The following CSMD1 variants were observed in gnomAD, a reference collection of about 807,000 sequenced individuals.
The protein encoded by CSMD1 is CUB and sushi domain-containing protein 1.
CSMD1 carries 213 observed loss-of-function variants against 417.5 expected under a neutral mutation model. The ratio of observed to expected loss-of-function variants is 0.51; its 90% CI spans 0.46 to 0.57. The LOEUF is 0.57. CSMD1 is among the 20% of genes least tolerant of loss of function. The pLI is 0.00. For missense variants in CSMD1, 6,923 were observed against 4,529.7 expected, an observed-to-expected ratio of 1.53 and a Z score of -15.17; for synonymous variants, 2,862 against 1,736.8, an observed-to-expected ratio of 1.65 and a Z score of -16.11.
intron 21 of CSMD1, 121 bp downstream of exon 21, chr8:3,359,031 C>T: frequency 3.4e-6 from 3 of 876,196 alleles, no homozygotes; most frequent in Admixed American, 2.3e-5. Flanking sequence ...GTGGAGCCCA[C>T]ACTTTCACCC....
chr8:3,427,361 A>T (rs186549145), intron 12 of CSMD1, among the ~76,000 whole-genome samples: 9 of 152,292 alleles, frequency 5.9e-5, no homozygotes, highest in African/African-American at 2.2e-4. Flanking sequence ...TCAAGTCAAA[A>T]CTTCTCATAA....
Position 3,117,388 on chromosome 8 carries a change from CTG to C in CSMD1, c.6430+1009_6430+1010del, listed in dbSNP as rs551722081. On this transcript the variant is annotated intron_variant, in intron 42 of 69. Coordinates refer to ENST00000635120, the MANE Select transcript of CSMD1 (RefSeq NM_033225.6). ...CAGAATAGGTAAATACAGATAAAAA[CTG>C]TGATTTTAAAAGCCTACTGATATGC... is the stretch of plus-strand genomic sequence containing the variant. Among the ~76,000 whole-genome samples the C allele has an allele frequency of 2.0e-4, 31 of 152,246 alleles. 1 individual carries two copies. The South Asian group carries it at 6.4e-3, about 32-fold the overall frequency.
At chr8:3,581,314 G>A (rs765613322) in intron 9 of CSMD1, among the ~76,000 whole-genome samples, 2 of 152,156 alleles carry the variant, frequency 1.3e-5, no homozygotes, top group Non-Finnish European at 2.9e-5. Context: ...CATAATGGTT[G>A]TTTTCATATT....
intron 11 of CSMD1, among the ~76,000 whole-genome samples, chr8:3,489,503 A>G (rs1343119150): frequency 6.6e-6 from 1 of 152,200 alleles, no homozygotes; most frequent in Admixed American, 6.5e-5. Flanking sequence ...CAGTTCCTCC[A>G]CAAATCAAAT....
chr8:4,305,733 G>T (rs1384659411), intron 3 of CSMD1, among the ~76,000 whole-genome samples: 1 of 152,118 alleles, frequency 6.6e-6, no homozygotes, highest in African/African-American at 2.4e-5. Context: ...ATGTACAGAT[G>T]CCACACCAGC....
intron 7 of CSMD1, among the ~76,000 whole-genome samples, chr8:3,673,183 T>A (rs887044689): frequency 2.6e-5 from 4 of 152,220 alleles, no homozygotes; most frequent in African/African-American, 9.6e-5. Flanking sequence ...ACACAGAATC[T>A]GAAATTATTC....
chr8:3,341,748 G>A (rs1807670235), intron 23 of CSMD1, among the ~76,000 whole-genome samples: 1 of 152,146 alleles, frequency 6.6e-6, no homozygotes, highest in Non-Finnish European at 1.5e-5. Context: ...AGGTGTGCAT[G>A]GAACTTCCCC....
intron 1 of CSMD1, among the ~76,000 whole-genome samples, chr8:4,813,841 T>G (rs1235758396): frequency 6.6e-6 from 1 of 152,186 alleles, no homozygotes; most frequent in African/African-American, 2.4e-5. Context: ...AATTCCAGAG[T>G]GCATAGTAGC....
chr8:3,471,026 G>C (rs1345267984), intron 11 of CSMD1, among the ~76,000 whole-genome samples: 2 of 152,116 alleles, frequency 1.3e-5, no homozygotes, highest in Non-Finnish European at 2.9e-5. Context: ...TCATTTACCT[G>C]AGATAAAAGC....
At chr8:4,982,068 T>G (rs1328108901) in intron 1 of CSMD1, among the ~76,000 whole-genome samples, 2 of 152,110 alleles carry the variant, frequency 1.3e-5, no homozygotes, top group Non-Finnish European at 2.9e-5. Flanking sequence ...CCAACTATCT[T>G]AGAAGTGGAT....
intron 3 of CSMD1, among the ~76,000 whole-genome samples, chr8:4,043,892 C>G (rs532657932): frequency 6.6e-6 from 1 of 152,106 alleles, no homozygotes; most frequent in Non-Finnish European, 1.5e-5. Flanking sequence ...GTTAAGATAA[C>G]ACAGATAAAC....
At chr8:4,418,734 G>C (rs1797085791) in intron 3 of CSMD1, among the ~76,000 whole-genome samples, 1 of 152,072 alleles carries the variant, frequency 6.6e-6, no homozygotes, top group African/African-American at 2.4e-5. Flanking sequence ...AAAACTGAAA[G>C]CTAATAACAT....
At chr8:3,504,499 C>T (rs1796741444) in intron 10 of CSMD1, among the ~76,000 whole-genome samples, 1 of 152,276 alleles carries the variant, frequency 6.6e-6, no homozygotes, top group Admixed American at 6.5e-5. Context: ...TCATTATTAT[C>T]CTCATGGCAA....
At chr8:4,859,929 T>C (rs1802025338) in intron 1 of CSMD1, among the ~76,000 whole-genome samples, 2 of 152,144 alleles carry the variant, frequency 1.3e-5, no homozygotes, top group South Asian at 4.1e-4. Context: ...CAAAGGATTA[T>C]AAATCATGCT....
At chr8:4,738,557 T>A (rs948449047) in intron 1 of CSMD1, among the ~76,000 whole-genome samples, 1 of 152,094 alleles carries the variant, frequency 6.6e-6, no homozygotes, top group African/African-American at 2.4e-5. Context: ...GGAACTACAA[T>A]TCTAGATAAG....
At chr8:4,845,959 T>C (rs1167227628) in intron 1 of CSMD1, among the ~76,000 whole-genome samples, 2 of 152,202 alleles carry the variant, frequency 1.3e-5, no homozygotes, top group Admixed American at 6.5e-5. Context: ...TACAAAAGAA[T>C]AGAGAATCGG....
chr8:4,150,338 CG>C (rs1329801228), intron 3 of CSMD1, among the ~76,000 whole-genome samples: 14 of 152,148 alleles, frequency 9.2e-5, no homozygotes, highest in African/African-American at 3.4e-4. Flanking sequence ...TTCTCTAACC[CG>C]TGCCATTCTA....
chr8:4,461,532 A>T (rs1040282019), intron 2 of CSMD1, among the ~76,000 whole-genome samples: 1 of 146,808 alleles, frequency 6.8e-6, no homozygotes, highest in Non-Finnish European at 1.5e-5. Context: ...AATATGCAAA[A>T]ATCCATATTT....
intron 1 of CSMD1, among the ~76,000 whole-genome samples, chr8:4,963,449 C>T (rs935857562): frequency 6.6e-6 from 1 of 152,170 alleles, no homozygotes; most frequent in Non-Finnish European, 1.5e-5. Flanking sequence ...ATCCACCCAC[C>T]TCGACCTCCC....
Sources: gnomAD v4.1 joint callset for allele counts (sites outside exome capture counted in the v4.1 genomes callset) on GRCh38, gnomAD v4.1.1 for gene constraint, MANE v1.5 for transcripts, NCBI Gene and HGNC (gene_info 2026-07-23, HGNC 2026-07-21) for gene names.